The following PDE1A variants were observed in gnomAD, a reference collection of about 807,000 sequenced individuals.
The protein encoded by PDE1A is dual specificity calcium/calmodulin-dependent 3',5'-cyclic nucleotide phosphodiesterase 1A.
In PDE1A, 35 loss-of-function variants were observed where a neutral mutation model predicts 61.7. That is an observed-to-expected ratio of 0.57 (90% CI 0.43 to 0.75). The LOEUF (loss-of-function observed/expected upper bound fraction) is 0.75, where lower values mean the gene tolerates loss of function less well. Among genes scored for constraint, PDE1A ranks in the 30% least tolerant of loss-of-function variants. PDE1A has a pLI of 0.00. For synonymous variants in PDE1A, 232 were observed against 213.2 expected, an observed-to-expected ratio of 1.09 and a Z score of -0.77; for missense variants, 597 against 630.6, an observed-to-expected ratio of 0.95 and a Z score of 0.57.
At chr2:182,292,258 AT>A (rs1197290296) in intron 1 of PDE1A, among the ~76,000 whole-genome samples, 1 of 151,956 alleles carries the variant, frequency 6.6e-6, no homozygotes, top group Non-Finnish European at 1.5e-5. Context: ...GGAGAAATTT[AT>A]TTTTTGGTTA....
At chr2:182,566,945 T>G in the PDE1A span, among the ~76,000 whole-genome samples, 3 of 152,252 alleles carry the variant, frequency 2.0e-5, no homozygotes, top group Admixed American at 2.0e-4. Context: ...AACATAGAGA[T>G]AATTCATGAT....
At chr2:182,521,225 A>G (rs1286353410) in intron 2 of PDE1A, among the ~76,000 whole-genome samples, 2 of 152,044 alleles carry the variant, frequency 1.3e-5, no homozygotes, top group Admixed American at 6.6e-5. Flanking sequence ...CTTTAAAAAA[A>G]TATCAAACAG....
At chr2:182,455,423 T>G (rs1685842093) in intron 2 of PDE1A, among the ~76,000 whole-genome samples, 1 of 152,058 alleles carries the variant, frequency 6.6e-6, no homozygotes, top group South Asian at 2.1e-4. Flanking sequence ...ATCCAAAGGA[T>G]TATAAATCAT....
the PDE1A span, among the ~76,000 whole-genome samples, chr2:182,683,174 C>T: frequency 6.7e-6 from 1 of 150,062 alleles, no homozygotes; most frequent in Non-Finnish European, 1.5e-5. Context: ...CTCACTGCAA[C>T]CTCCGCCCCC....
At chr2:182,209,906 TAATAC>T (rs1373084403) in intron 7 of PDE1A, among the ~76,000 whole-genome samples, 2 of 152,188 alleles carry the variant, frequency 1.3e-5, no homozygotes, top group African/African-American at 4.8e-5. Flanking sequence ...GAGAAGAAGA[TAATAC>T]AATTGGTTCC....
chr2:182,567,639 G>C, the PDE1A span, among the ~76,000 whole-genome samples: 1 of 151,692 alleles, frequency 6.6e-6, no homozygotes. Context: ...ATAAATTTCA[G>C]CTTGCAATAT....
At chr2:182,478,106 G>A (rs776711102) in intron 2 of PDE1A, among the ~76,000 whole-genome samples, 10 of 151,852 alleles carry the variant, frequency 6.6e-5, no homozygotes, top group East Asian at 1.9e-4. Flanking sequence ...ATACACCAAC[G>A]TGAAAACGAT....
intron 2 of PDE1A, among the ~76,000 whole-genome samples, chr2:182,492,965 A>G (rs1172793809): frequency 6.8e-6 from 1 of 147,986 alleles, no homozygotes; most frequent in East Asian, 2.0e-4. Flanking sequence ...TGTAATGCCC[A>G]CATGTACAAT....
At chr2:182,672,686 T>C in the PDE1A span, among the ~76,000 whole-genome samples, 2 of 152,214 alleles carry the variant, frequency 1.3e-5, no homozygotes, top group Non-Finnish European at 2.9e-5. Context: ...GTAACAACTA[T>C]TGTAGTGACT....
rs375742697 is a variant in PDE1A, at chr2:182,352,691, G to A, written c.53+73887C>T. On this transcript the variant is annotated intron_variant, in intron 1 of 13. Transcript: ENST00000351439. ...CAGTTAATTTTCCTCTTAATTGTGTGGGCATTCTGCCCATTTGCTAGCTGG... is the reference window on the plus strand; with the variant it reads ...CAGTTAATTTTCCTCTTAATTGTGTAGGCATTCTGCCCATTTGCTAGCTGG... 2.9e-4 allele frequency among the ~76,000 whole-genome samples: 44 copies of A among 149,166 alleles called. No homozygotes were observed. The East Asian group carries it at 4.0e-3, about 13-fold the overall frequency.
At chr2:182,552,937 C>T in the PDE1A span, among the ~76,000 whole-genome samples, 2 of 152,210 alleles carry the variant, frequency 1.3e-5, no homozygotes, top group Non-Finnish European at 2.9e-5. Flanking sequence ...CGCAGACCCG[C>T]TGCTGACTCC....
chr2:182,450,912 C>T lies in PDE1A; in HGVS notation c.101+71364G>A, dbSNP rs149999800. Among the ~76,000 whole-genome samples, 1,444 of 152,110 alleles carry T rather than the reference C, an allele frequency of 9.5e-3. 20 individuals carry two copies. Among genetic ancestry groups the T allele is most frequent in the African/African-American group, 0.033 (1,359 of 41,510 alleles). ...TGAAACAATAGAGAATATCAAAGTA[C>T]GTGAATCACCATATACAAGTTCTTT... On this transcript the variant is annotated intron_variant, in intron 2 of 14. Transcript: ENST00000410103.
chr2:182,464,041 C>G, intron 2 of PDE1A, among the ~76,000 whole-genome samples: 1 of 152,100 alleles, frequency 6.6e-6, no homozygotes, highest in East Asian at 1.9e-4. Flanking sequence ...GTATTCAGAG[C>G]CACAGTGATG....
the PDE1A span, among the ~76,000 whole-genome samples, chr2:182,553,350 C>T: frequency 1.3e-5 from 2 of 152,168 alleles, no homozygotes; most frequent in Non-Finnish European, 2.9e-5. Context: ...CCTGCCTCAG[C>T]CTCCTGAGTA....
intron 1 of PDE1A, among the ~76,000 whole-genome samples, chr2:182,393,496 CT>C (rs529378643): frequency 4.5e-4 from 69 of 152,304 alleles, no homozygotes; most frequent in African/African-American, 1.6e-3. Flanking sequence ...CATTTGGCTC[CT>C]CATTGCTTAT....
upstream of PDE1A, among the ~76,000 whole-genome samples, chr2:182,427,591 G>A (rs1471385821): frequency 1.3e-5 from 2 of 151,888 alleles, no homozygotes; most frequent in Non-Finnish European, 2.9e-5. Flanking sequence ...ATGAAATTTG[G>A]ATTTATAAAA....
Position 182,268,128 on chromosome 2 carries a change from G to A in PDE1A, c.54-3714C>T, listed in dbSNP as rs188054190. On this transcript the variant is annotated intron_variant, in intron 1 of 13. Coordinates refer to ENST00000351439, the Ensembl canonical transcript of PDE1A. The stretch of plus-strand genomic sequence containing the variant: ...TCTTAATTTCTGGCATAGATAAGTT[G>A]TTCTGGTTCCCAAAGCTTAGGGTGA... Among the ~76,000 whole-genome samples the A allele has an allele frequency of 2.3e-3, 346 of 152,204 alleles. 1 individual carries two copies. Among genetic ancestry groups the A allele is most frequent in the Non-Finnish European group, 4.4e-3 (296 of 68,010 alleles).
intron 13 of PDE1A, among the ~76,000 whole-genome samples, chr2:182,153,385 G>GA (rs1173060371): frequency 6.6e-6 from 1 of 152,140 alleles, no homozygotes; most frequent in African/African-American, 2.4e-5. Context: ...GGGTTGAAAA[G>GA]AAAAATGATA....
intron 3 of PDE1A, among the ~76,000 whole-genome samples, chr2:182,237,230 C>G (rs569798861): frequency 6.6e-6 from 1 of 152,160 alleles, no homozygotes; most frequent in African/African-American, 2.4e-5. Flanking sequence ...CAGTGACTCA[C>G]GCCTGTAATC....
Sources: gnomAD v4.1 joint callset for allele counts (sites outside exome capture counted in the v4.1 genomes callset) on GRCh38, gnomAD v4.1.1 for gene constraint, MANE v1.5 for transcripts, NCBI Gene and HGNC (gene_info 2026-07-23, HGNC 2026-07-21) for gene names.